Variants in LARGE1 observed in about 807,000 individuals in gnomAD.
LARGE1 encodes LARGE xylosyl- and glucuronyltransferase 1.
Under a neutral mutation model 87.6 loss-of-function variants are expected in LARGE1, and 43 were observed. That is an observed-to-expected ratio of 0.49 (90% confidence interval 0.38 to 0.63). The LOEUF (loss-of-function observed/expected upper bound fraction) is 0.63, where lower values mean the gene tolerates loss of function less well. LARGE1 is among the 30% of genes least tolerant of loss of function. The pLI, the probability that LARGE1 is intolerant of heterozygous loss-of-function variation, is 0.00. For synonymous variants in LARGE1, 434 were observed against 394.6 expected, an observed-to-expected ratio of 1.10 and a Z score of -1.18; for missense variants, 802 against 1,000.2, an observed-to-expected ratio of 0.80 and a Z score of 2.67.
chr22:33,304,159 C>T (rs1934543816), intron 12 of LARGE1, 70 bp downstream of exon 12: 3 of 1,565,700 alleles, frequency 1.9e-6, no homozygotes, highest in Non-Finnish European at 2.6e-6. Context: ...CCCTAAGGGC[C>T]TTTTGGTCCT....
At chr22:33,337,609 G>A (rs781055764) in intron 10 of LARGE1, 37 bp downstream of exon 10, 11 of 1,612,754 alleles carry the variant, frequency 6.8e-6, no homozygotes, top group Non-Finnish European at 9.3e-6. Context: ...GAGCAGAGAA[G>A]CCGCCCCTTC....
the LARGE1 span, among the ~76,000 whole-genome samples, chr22:33,068,225 G>A: frequency 2.0e-5 from 3 of 152,140 alleles, no homozygotes; most frequent in Admixed American, 6.6e-5. Flanking sequence ...TGGGCAGGTG[G>A]CATTTTAATC....
chr22:33,274,259 G>T lies in LARGE1; in HGVS notation c.*168C>A. On this transcript the variant is annotated 3_prime_UTR_variant, in exon 15 of 15. Coordinates refer to ENST00000397394, the MANE Select transcript of LARGE1 (RefSeq NM_133642.5). ...TTGTGGGGCAGAGAGGGACTGGCTGGATCCTTGTCCAAGGTCTCTGTAGTG... is the reference window on the plus strand; with the variant it reads ...TTGTGGGGCAGAGAGGGACTGGCTGTATCCTTGTCCAAGGTCTCTGTAGTG... 1 of 709,838 alleles carries T rather than the reference G, an allele frequency of 1.4e-6. No individual in the cohort carries two copies. The highest frequency in any genetic ancestry group is 1.6e-5 in the South Asian group (1 of 61,334). 44.0% of individuals were successfully genotyped at this position (709,838 alleles called of 1,614,324 possible). A position where few individuals can be genotyped will look rare whatever the true frequency, so the allele number is the denominator to read the frequency against.
intron 2 of LARGE1, among the ~76,000 whole-genome samples, chr22:33,688,307 T>C (rs1034877708): frequency 1.3e-5 from 2 of 152,350 alleles, no homozygotes; most frequent in Admixed American, 6.5e-5. Flanking sequence ...ATCATTACTT[T>C]AAGCTCAGAG....
chr22:33,641,439 A>C (rs2080430014), intron 3 of LARGE1, among the ~76,000 whole-genome samples: 1 of 152,188 alleles, frequency 6.6e-6, no homozygotes, highest in Admixed American at 6.5e-5. Flanking sequence ...CACTGCAAAA[A>C]TGCTGAAAAT....
chr22:33,876,440 A>G (rs1399183261), intron 1 of LARGE1, among the ~76,000 whole-genome samples: 4 of 152,136 alleles, frequency 2.6e-5, no homozygotes, highest in East Asian at 1.9e-4. Context: ...GGTGATACAG[A>G]TATGTTACCT....
intron 11 of LARGE1, among the ~76,000 whole-genome samples, chr22:33,260,764 CTTTA>C (rs1356747095): frequency 1.3e-5 from 2 of 152,150 alleles, no homozygotes; most frequent in Admixed American, 6.6e-5. Flanking sequence ...CCTTTGCTTC[CTTTA>C]TTTGTTAACC....
At chr22:33,890,346 T>C (rs987894450) in intron 1 of LARGE1, among the ~76,000 whole-genome samples, 1 of 152,158 alleles carries the variant, frequency 6.6e-6, no homozygotes, top group African/African-American at 2.4e-5. Flanking sequence ...TTCATTCATA[T>C]AGAGGCTAAA....
chr22:33,774,342 A>G (rs1383249219), intron 1 of LARGE1, among the ~76,000 whole-genome samples: 2 of 152,038 alleles, frequency 1.3e-5, no homozygotes, highest in Admixed American at 6.6e-5. Flanking sequence ...AGGAGACGTT[A>G]ATCTTTTTTT....
At chr22:33,641,281 C>T (rs2080423708) in intron 3 of LARGE1, among the ~76,000 whole-genome samples, 1 of 152,130 alleles carries the variant, frequency 6.6e-6, no homozygotes, top group Non-Finnish European at 1.5e-5. Context: ...CCACCAAACT[C>T]CAGCAGACCT....
chr22:33,515,254 G>A (rs2071249486), intron 6 of LARGE1, among the ~76,000 whole-genome samples: 1 of 152,032 alleles, frequency 6.6e-6, no homozygotes, highest in Non-Finnish European at 1.5e-5. Flanking sequence ...TTTAATGAAG[G>A]TCCCTAGACT....
chr22:33,376,899 C>A (rs2065011219), intron 9 of LARGE1, among the ~76,000 whole-genome samples: 1 of 152,096 alleles, frequency 6.6e-6, no homozygotes, highest in South Asian at 2.1e-4. Context: ...ACGAGGAGCA[C>A]CCCACTTAAA....
intron 11 of LARGE1, among the ~76,000 whole-genome samples, chr22:33,226,106 T>C (rs556916361): frequency 1.8e-4 from 28 of 152,262 alleles, no homozygotes; most frequent in Non-Finnish European, 3.7e-4. Context: ...ATAGTAGTTC[T>C]GTTTTTAGTT....
At chr22:33,346,260 T>C (rs1939735742) in intron 9 of LARGE1, among the ~76,000 whole-genome samples, 1 of 126,524 alleles carries the variant, frequency 7.9e-6, no homozygotes, top group African/African-American at 2.8e-5. Flanking sequence ...TCCTCTCTTC[T>C]CTCTCTCTCT....
intron 13 of LARGE1, among the ~76,000 whole-genome samples, chr22:33,282,728 C>T (rs1296453020): frequency 6.6e-6 from 1 of 152,168 alleles, no homozygotes; most frequent in Non-Finnish European, 1.5e-5. Flanking sequence ...GGCTACACGT[C>T]CCCCAGGCCT....
rs149556687 is a variant in LARGE1 at position 33,821,146 on chromosome 22, A to G, written c.-82-59588T>C. Among the ~76,000 whole-genome samples the G allele has an allele frequency of 4.6e-3, 697 of 152,274 alleles. 3 individuals carry two copies. The highest frequency in any genetic ancestry group is 0.015 in the African/African-American group (639 of 41,556). On this transcript the variant is annotated intron_variant, in intron 1 of 14. Coordinates refer to ENST00000397394, the MANE Select transcript of LARGE1 (RefSeq NM_133642.5). Reference sequence around the variant, plus strand: ...CAGTTTAAGAATCTCTAATTGCTTCATGGCTGGCAGATGTTGTGACAAAGG... The same window carrying G: ...CAGTTTAAGAATCTCTAATTGCTTCGTGGCTGGCAGATGTTGTGACAAAGG...
At chr22:33,909,639 C>G (rs1485587641) in intron 1 of LARGE1, among the ~76,000 whole-genome samples, 2 of 151,948 alleles carry the variant, frequency 1.3e-5, no homozygotes, top group African/African-American at 4.8e-5. Context: ...TCCGGGTTCA[C>G]GCCATTCTCC....
chr22:33,526,975 G>A (rs1463357468), intron 6 of LARGE1, among the ~76,000 whole-genome samples: 1 of 152,218 alleles, frequency 6.6e-6, no homozygotes, highest in Non-Finnish European at 1.5e-5. Flanking sequence ...TGGAAATTCC[G>A]GCTGGGTGCA....
chr22:33,751,472 G>A (rs1228238888), intron 2 of LARGE1, among the ~76,000 whole-genome samples: 4 of 147,006 alleles, frequency 2.7e-5, no homozygotes, highest in African/African-American at 1.0e-4. Flanking sequence ...GAGACAGATT[G>A]AGACTCCATC....
Sources: gnomAD v4.1 joint callset for allele counts (sites outside exome capture counted in the v4.1 genomes callset) on GRCh38, gnomAD v4.1.1 for gene constraint, MANE v1.5 for transcripts, NCBI Gene and HGNC (gene_info 2026-07-23, HGNC 2026-07-21) for gene names.